REDIC1: variants seen among roughly 807,000 people sequenced by gnomAD.
REDIC1 encodes the protein HEI10 Interacting Protein 1.
At chr12:39,861,734 G>A in the REDIC1 span, among the ~76,000 whole-genome samples, 108 of 152,256 alleles carry the variant, frequency 7.1e-4, no homozygotes, top group Non-Finnish European at 1.1e-3. Flanking sequence ...TCATGCTAGC[G>A]TTATTTCTTC....
the REDIC1 span, chr12:39,871,863 G>C: frequency 5.0e-6 from 8 of 1,612,618 alleles, no homozygotes; most frequent in Non-Finnish European, 5.9e-6. Context: ...TCCCACAAGT[G>C]TGAAAATGAA....
At chr12:39,651,601 G>A in the REDIC1 span, among the ~76,000 whole-genome samples, 2 of 152,004 alleles carry the variant, frequency 1.3e-5, no homozygotes, top group African/African-American at 2.4e-5. Context: ...TTTTAATAAA[G>A]TTTAAAATTA....
At chr12:39,748,432 G>A in the REDIC1 span, among the ~76,000 whole-genome samples, 4 of 152,140 alleles carry the variant, frequency 2.6e-5, no homozygotes, top group African/African-American at 7.2e-5. Context: ...AGTTCTTAGA[G>A]ACCTAGAAAG....
chr12:39,829,970 T>C, the REDIC1 span: 7 of 1,090,104 alleles, frequency 6.4e-6, no homozygotes, highest in Non-Finnish European at 9.4e-6. Context: ...ATCACCAGTA[T>C]ATGCTGCAAA....
At chr12:39,773,054 A>T in the REDIC1 span, among the ~76,000 whole-genome samples, 1 of 152,228 alleles carries the variant, frequency 6.6e-6, no homozygotes, top group Non-Finnish European at 1.5e-5. Context: ...ATTGCAAAAT[A>T]TCCTCATGCT....
At chr12:39,878,684 G>C in the REDIC1 span, among the ~76,000 whole-genome samples, 1 of 152,220 alleles carries the variant, frequency 6.6e-6, no homozygotes, top group Non-Finnish European at 1.5e-5. Context: ...ATATTTATAA[G>C]GTAGGCAGAG....
chr12:39,669,100 C>T, the REDIC1 span, among the ~76,000 whole-genome samples: 1 of 152,202 alleles, frequency 6.6e-6, no homozygotes, highest in Non-Finnish European at 1.5e-5. Context: ...TGGTGAGGAG[C>T]TGCGTTCCTT....
chr12:39,896,034 A>G, the REDIC1 span, among the ~76,000 whole-genome samples: 1 of 36,096 alleles, frequency 2.8e-5, no homozygotes, highest in Non-Finnish European at 6.0e-5. Context: ...ATACATGCAT[A>G]TGTTTATATA....
chr12:39,788,448 G>A, the REDIC1 span: 1 of 152,126 alleles, frequency 6.6e-6, no homozygotes, highest in Non-Finnish European at 1.5e-5. Context: ...TGGATATACT[G>A]GACAAAGGGA....
the REDIC1 span, among the ~76,000 whole-genome samples, chr12:39,846,628 T>C: frequency 1.3e-5 from 2 of 152,266 alleles, no homozygotes; most frequent in South Asian, 2.1e-4. Flanking sequence ...ATTTTTTGTA[T>C]TTTTGGAGAA....
At chr12:39,795,257 A>G in the REDIC1 span, among the ~76,000 whole-genome samples, 2 of 151,806 alleles carry the variant, frequency 1.3e-5, no homozygotes, top group Non-Finnish European at 2.9e-5. Flanking sequence ...CATTCAGGAA[A>G]CATTTTCATA....
At chr12:39,713,979 G>GTA in the REDIC1 span, among the ~76,000 whole-genome samples, 2 of 146,350 alleles carry the variant, frequency 1.4e-5, no homozygotes, top group Admixed American at 6.8e-5. Flanking sequence ...GTGCATATAC[G>GTA]TATATATACA....
chr12:39,732,806 A>G, the REDIC1 span, among the ~76,000 whole-genome samples: 4 of 152,200 alleles, frequency 2.6e-5, no homozygotes, highest in African/African-American at 9.6e-5. Context: ...ATATTTGGCC[A>G]AAGATGGTTC....
the REDIC1 span, among the ~76,000 whole-genome samples, chr12:39,856,435 C>T: frequency 3.3e-5 from 5 of 152,178 alleles, no homozygotes; most frequent in Non-Finnish European, 5.9e-5. Flanking sequence ...GTGGCGTGAT[C>T]TCGGCTCACT....
chr12:39,759,965 C>T, the REDIC1 span: 372 of 1,302,366 alleles, frequency 2.9e-4, no homozygotes, highest in Non-Finnish European at 1.8e-4. Context: ...AGTGAAGTCA[C>T]CAATTGCTGT....
the REDIC1 span, among the ~76,000 whole-genome samples, chr12:39,746,830 C>T: frequency 3.9e-5 from 6 of 152,350 alleles, no homozygotes; most frequent in Admixed American, 6.5e-5. Flanking sequence ...TGGAGTGGAC[C>T]TCCAGCAAAC....
At chr12:39,720,732 A>G in the REDIC1 span, 22 of 1,246,558 alleles carry the variant, frequency 1.8e-5, no homozygotes, top group Admixed American at 4.4e-5. Flanking sequence ...AAGTGATTGA[A>G]TGCATTTTTA....
the REDIC1 span, among the ~76,000 whole-genome samples, chr12:39,751,695 G>A: frequency 3.7e-3 from 562 of 152,190 alleles, 3 homozygotes; most frequent in African/African-American, 0.013. Flanking sequence ...AATGTGGCAC[G>A]TATACATCAT....
At chr12:39,831,296 T>C in the REDIC1 span, among the ~76,000 whole-genome samples, 1 of 152,166 alleles carries the variant, frequency 6.6e-6, no homozygotes, top group East Asian at 1.9e-4. Flanking sequence ...TGAAACCGAA[T>C]CATAAAATAA....
Sources: allele counts gnomAD v4.1 joint callset (sites outside exome capture counted in the v4.1 genomes callset), GRCh38; gene constraint gnomAD v4.1.1; transcripts MANE v1.5; gene names NCBI Gene and HGNC (gene_info 2026-07-23, HGNC 2026-07-21).